Variants in GRM1 observed in about 807,000 individuals in gnomAD.
GRM1 encodes metabotropic glutamate receptor 1.
In GRM1, 33 loss-of-function variants were observed where a neutral mutation model predicts 90.9. The observed-to-expected ratio is 0.36, with a 90% CI of 0.28 to 0.49. The LOEUF (loss-of-function observed/expected upper bound fraction) is 0.49. Among genes scored for constraint, GRM1 ranks in the 20% least tolerant of loss-of-function variants. The pLI is 0.99. For synonymous variants in GRM1, 700 were observed against 613.2 expected (o/e 1.14, Z -2.09); for missense variants, 1,190 against 1,534.3 (o/e 0.78, Z 3.75).
chr6:146,165,514 A>C (rs1388637878), intron 2 of GRM1, among the ~76,000 whole-genome samples: 1 of 152,166 alleles, frequency 6.6e-6, no homozygotes, highest in Admixed American at 6.6e-5. Context: ...AAAATGGATT[A>C]TAATCAGAAG....
At chr6:146,232,141 G>A (rs1402888345) in intron 2 of GRM1, among the ~76,000 whole-genome samples, 1 of 152,064 alleles carries the variant, frequency 6.6e-6, no homozygotes, top group Non-Finnish European at 1.5e-5. Context: ...TTGGCAGTTT[G>A]TGTCTTTATT....
intron 1 of GRM1, among the ~76,000 whole-genome samples, chr6:146,049,788 G>A (rs955273159): frequency 2.0e-5 from 3 of 149,510 alleles, no homozygotes; most frequent in African/African-American, 7.7e-5. Flanking sequence ...CAGTACCATG[G>A]AGTGAGTATT....
intron 1 of GRM1, among the ~76,000 whole-genome samples, chr6:146,117,066 A>G (rs545274547): frequency 2.0e-5 from 3 of 150,792 alleles, no homozygotes; most frequent in African/African-American, 7.3e-5. Context: ...TGGTGTGTTT[A>G]TTTTAATATG....
At chr6:146,388,476 G>A (rs567560701) in intron 6 of GRM1, among the ~76,000 whole-genome samples, 4 of 152,062 alleles carry the variant, frequency 2.6e-5, no homozygotes, top group Admixed American at 2.0e-4. Flanking sequence ...ACTAGGTCAC[G>A]TAACTAAAAT....
chr6:146,407,367 CTACTTTTAA>C (rs919014123), intron 7 of GRM1, among the ~76,000 whole-genome samples: 3 of 152,176 alleles, frequency 2.0e-5, no homozygotes, highest in African/African-American at 4.8e-5. Flanking sequence ...ACAGAAATAG[CTACTTTTAA>C]TACTTTTAAT....
At chr6:146,287,553 C>T (rs534055849) in intron 2 of GRM1, among the ~76,000 whole-genome samples, 1 of 152,204 alleles carries the variant, frequency 6.6e-6, no homozygotes, top group Admixed American at 6.5e-5. Context: ...TTATGTTGGC[C>T]TTTTTCATCA....
At chr6:146,391,578 G>C (rs1268854911) in intron 6 of GRM1, among the ~76,000 whole-genome samples, 1 of 151,962 alleles carries the variant, frequency 6.6e-6, no homozygotes, top group African/African-American at 2.4e-5. Flanking sequence ...CTTCAAAACA[G>C]GATCTCAAAG....
rs368091694 is a variant in GRM1 at position 146,355,911 on chromosome 6, G to A, written c.1434-1615G>A. On this transcript the variant is annotated intron_variant, in intron 4 of 7. Coordinates refer to ENST00000282753, the MANE Select transcript of GRM1 (RefSeq NM_001278064.2). ...CATTTCCTTCAGTCAAGCACAAAGA[G>A]CAAGAGGCCGTGACTCATCTTCTAG... Among the ~76,000 whole-genome samples, 4 of 152,262 alleles carry A rather than the reference G, an allele frequency of 2.6e-5. 1 individual carries two copies. The highest frequency in any genetic ancestry group is 9.6e-5 in the African/African-American group (4 of 41,536).
At chr6:146,167,398 A>T (rs1361571501) in intron 2 of GRM1, among the ~76,000 whole-genome samples, 1 of 152,136 alleles carries the variant, frequency 6.6e-6, no homozygotes, top group Admixed American at 6.6e-5. Flanking sequence ...CTCTTTAGGA[A>T]CTATCTAGGG....
chr6:146,073,237 A>G (rs1776073711), intron 1 of GRM1, among the ~76,000 whole-genome samples: 1 of 152,148 alleles, frequency 6.6e-6, no homozygotes, highest in Admixed American at 6.6e-5. Context: ...ACTCATCAGC[A>G]TGCCAAACCC....
rs375723967 is a variant in GRM1, at chr6:146,202,044, C to T, written c.950+42447C>T. ...GGCTGGTGCAACGTAACTTGGATGA[C>T]TCAGATAAGTGGGACTCTGATAGCC... On this transcript the variant is annotated intron_variant, in intron 2 of 7. Transcript: ENST00000282753. Among the ~76,000 whole-genome samples the T allele has an allele frequency of 7.2e-5, 11 of 152,248 alleles. No individual in the cohort carries two copies. The South Asian group carries it at 2.3e-3, about 32-fold the overall frequency.
chr6:146,373,326 G>A (rs545635979), intron 5 of GRM1, among the ~76,000 whole-genome samples: 1 of 152,124 alleles, frequency 6.6e-6, no homozygotes, highest in African/African-American at 2.4e-5. Context: ...ACAGGCTTCT[G>A]ATTCTCAGAA....
intron 2 of GRM1, among the ~76,000 whole-genome samples, chr6:146,296,924 A>G (rs780168022): frequency 2.8e-4 from 42 of 152,262 alleles, no homozygotes; most frequent in African/African-American, 6.5e-4. Flanking sequence ...ACGATTCATG[A>G]AGCCATCTTT....
chr6:146,125,101 A>G (rs1212246975), intron 1 of GRM1, among the ~76,000 whole-genome samples: 1 of 152,132 alleles, frequency 6.6e-6, no homozygotes, highest in Non-Finnish European at 1.5e-5. Context: ...GCTAGTTTTT[A>G]TATTTCTTTG....
chr6:146,278,593 T>C (rs1462338534), intron 2 of GRM1, among the ~76,000 whole-genome samples: 1 of 152,158 alleles, frequency 6.6e-6, no homozygotes. Context: ...CTGGCCAACA[T>C]GGTGAAACCC....
chr6:146,407,394 G>A (rs930356495), intron 7 of GRM1, among the ~76,000 whole-genome samples: 1 of 152,086 alleles, frequency 6.6e-6, no homozygotes, highest in African/African-American at 2.4e-5. Context: ...AATACTTATG[G>A]CTCATATTTT....
At chr6:146,311,430 A>C (rs769408055) in intron 3 of GRM1, among the ~76,000 whole-genome samples, 17 of 152,260 alleles carry the variant, frequency 1.1e-4, no homozygotes, top group Non-Finnish European at 2.4e-4. Context: ...TGTGTGTCTC[A>C]TCTGGACCTT....
intron 1 of GRM1, among the ~76,000 whole-genome samples, chr6:146,031,916 A>G (rs1034420509): frequency 1.2e-4 from 19 of 152,290 alleles, no homozygotes; most frequent in African/African-American, 4.6e-4. Flanking sequence ...CCATTGAGCT[A>G]GATAATTGAT....
At chr6:146,280,034 T>A (rs767275336) in intron 2 of GRM1, among the ~76,000 whole-genome samples, 4 of 152,216 alleles carry the variant, frequency 2.6e-5, no homozygotes, top group Non-Finnish European at 5.9e-5. Flanking sequence ...TGGGTTGATT[T>A]CTTTTGGTCA....
Sources: allele counts gnomAD v4.1 joint callset (sites outside exome capture counted in the v4.1 genomes callset), GRCh38; gene constraint gnomAD v4.1.1; transcripts MANE v1.5; gene names NCBI Gene and HGNC (gene_info 2026-07-23, HGNC 2026-07-21).